PTPN5: variants seen among roughly 807,000 people sequenced by gnomAD.
PTPN5 encodes tyrosine-protein phosphatase non-receptor type 5.
Under a neutral mutation model 73.9 loss-of-function variants are expected in PTPN5, and 29 were observed. The observed-to-expected ratio is 0.39, with a 90% confidence interval of 0.29 to 0.54. The LOEUF (loss-of-function observed/expected upper bound fraction) is 0.54. Ranked by LOEUF, PTPN5 falls within the 20% of genes least tolerant of loss-of-function variation. The pLI is 0.65. For missense variants in PTPN5, 652 were observed against 751.4 expected, an observed-to-expected ratio of 0.87 and a Z score of 1.55; for synonymous variants, 267 against 304.7, an observed-to-expected ratio of 0.88 and a Z score of 1.29.
At chr11:18,746,010 C>T (rs927534051) in intron 3 of PTPN5, among the ~76,000 whole-genome samples, 4 of 151,504 alleles carry the variant, frequency 2.6e-5, no homozygotes, top group Non-Finnish European at 4.4e-5. Context: ...CTCATGTCTA[C>T]AGCATGTAGC....
At chr11:18,777,899 C>T (rs1254188538) in intron 1 of PTPN5, among the ~76,000 whole-genome samples, 5 of 151,696 alleles carry the variant, frequency 3.3e-5, no homozygotes, top group African/African-American at 4.8e-5. Flanking sequence ...GAGCTATGAT[C>T]GCACCACTGC....
Position 18,758,420 on chromosome 11 carries a change from A to G in PTPN5, c.97+7387T>C, listed in dbSNP as rs556829291. Among the ~76,000 whole-genome samples, 5 of 152,294 alleles carry G rather than the reference A, an allele frequency of 3.3e-5. No homozygotes were observed. The East Asian group carries it at 9.7e-4, about 29-fold the overall frequency. ...CAAGGTAGGAGCACTGAGGTGCCAG[A>G]CATATAATAAAAGCTTTCTCCGACA... On this transcript the variant is annotated intron_variant, in intron 3 of 14. Coordinates refer to ENST00000358540, the MANE Select transcript of PTPN5 (RefSeq NM_006906.2).
chr11:18,766,655 T>C lies in PTPN5; in HGVS notation c.21-772A>G, dbSNP rs76993514. ...ACCTGGCAAGCTGGAAAAATGTTGC[T>C]GGAGATCAGCTAGACCCCATGAAGC... On this transcript the variant is annotated intron_variant, in intron 2 of 14. Coordinates refer to ENST00000358540, the MANE Select transcript of PTPN5 (RefSeq NM_006906.2). 4.9e-3 allele frequency among the ~76,000 whole-genome samples: 752 copies of C among 152,296 alleles called. 10 individuals are homozygous for C. The highest frequency in any genetic ancestry group is 0.017 in the African/African-American group (709 of 41,568).
chr11:18,767,942 A>G (rs1850710984), intron 2 of PTPN5, among the ~76,000 whole-genome samples: 1 of 152,140 alleles, frequency 6.6e-6, no homozygotes, highest in Non-Finnish European at 1.5e-5. Flanking sequence ...TTTCTCTCAC[A>G]TGGTATGCAC....
At chr11:18,736,722 G>A (rs1191190700) in intron 9 of PTPN5, among the ~76,000 whole-genome samples, 1 of 152,190 alleles carries the variant, frequency 6.6e-6, no homozygotes, top group Non-Finnish European at 1.5e-5. Flanking sequence ...CATGGTTGGA[G>A]GCAGCTCAAG....
At chr11:18,761,137 CT>C (rs1206903637) in intron 3 of PTPN5, among the ~76,000 whole-genome samples, 1 of 152,178 alleles carries the variant, frequency 6.6e-6, no homozygotes, top group Non-Finnish European at 1.5e-5. Context: ...CTGCGAGGGT[CT>C]TTATTGGCAG....
intron 2 of PTPN5, 58 bp from the exon 3 acceptor site, chr11:18,765,941 C>G: frequency 3.1e-6 from 4 of 1,297,700 alleles, no homozygotes; most frequent in Non-Finnish European, 4.4e-6. Context: ...AGACAAAAAC[C>G]CTGAGCAAAG....
rs58611404 is a variant in PTPN5 at position 18,781,323 on chromosome 11, C to CTTTTTTTTTTTTTT, written c.-113-9266_-113-9253dup. 1.5e-3 allele frequency among the ~76,000 whole-genome samples: 173 copies of CTTTTTTTTTTTTTT among 114,408 alleles called. 13 individuals carry two copies. Among genetic ancestry groups the CTTTTTTTTTTTTTT allele is most frequent in the African/African-American group, 2.2e-3 (69 of 30,922 alleles). The allele number at this position is 114,408 out of a possible 152,430, so 75.1% of individuals were successfully genotyped here. On this transcript the variant is annotated intron_variant, in intron 1 of 14. Transcript: ENST00000358540. ...AGATCAGACTGTCTTTTTTTGACCACTTTTTTTTTTTTTTGAGATGGAGTC... is the reference window on the plus strand; with the variant it reads ...AGATCAGACTGTCTTTTTTTGACCACTTTTTTTTTTTTTTTTTTTTTTTTTTTTGAGATGGAGTC...
intron 5 of PTPN5, 41 bp from the exon 6 acceptor site, chr11:18,743,116 G>T: frequency 7.1e-7 from 1 of 1,411,824 alleles, no homozygotes. Context: ...GGTGGTGGGG[G>T]CAGAGTTCTC....
intron 7 of PTPN5, among the ~76,000 whole-genome samples, chr11:18,741,639 G>A (rs1378289411): frequency 6.6e-6 from 1 of 152,102 alleles, no homozygotes; most frequent in Non-Finnish European, 1.5e-5. Flanking sequence ...AACACTATGA[G>A]CTACCCTATA....
intron 9 of PTPN5, among the ~76,000 whole-genome samples, chr11:18,734,287 C>T (rs914373998): frequency 4.6e-5 from 7 of 152,152 alleles, no homozygotes; most frequent in African/African-American, 1.4e-4. Context: ...CTCATGTCCA[C>T]ATATGCAAAA....
intron 2 of PTPN5, among the ~76,000 whole-genome samples, chr11:18,771,692 C>T (rs1384423210): frequency 2.0e-5 from 3 of 152,268 alleles, no homozygotes; most frequent in East Asian, 1.9e-4. Flanking sequence ...AAGGCAGACT[C>T]CAGCTAGGAG....
chr11:18,757,072 C>T (rs1256521247), intron 3 of PTPN5, among the ~76,000 whole-genome samples: 1 of 152,096 alleles, frequency 6.6e-6, no homozygotes, highest in African/African-American at 2.4e-5. Context: ...CATGCAAGAT[C>T]CAAGCTCAAA....
rs763825267 is a variant in PTPN5 at position 18,740,780 on chromosome 11, A to G, written c.738T>C (p.Asn246=). 2.6e-6 allele frequency: 4 copies of G among 1,553,154 alleles called. No individual in the cohort carries two copies. Among genetic ancestry groups the G allele is most frequent in the Non-Finnish European group, 3.5e-6 (4 of 1,145,352 alleles). ...SMGLQERRGS[N]VSLTLDMCTP... Reference sequence around the variant, plus strand: ...TGCACATGTCCAGGGTCAGGGAGACATTGGAACCCCTCCTGGAAGGACCAG... The same window carrying G: ...TGCACATGTCCAGGGTCAGGGAGACGTTGGAACCCCTCCTGGAAGGACCAG... The change falls in exon 8 of 15, where the codon AAT becomes AAC. Residue 246 remains asparagine, a synonymous_variant. Coordinates refer to ENST00000358540, the MANE Select transcript of PTPN5 (RefSeq NM_006906.2).
rs78096026 is a variant in PTPN5 at position 18,774,194 on chromosome 11, G to A, written c.-113-2123C>T. Reference sequence around the variant, plus strand: ...GACAACACCTTCCACACAGGATGGCGGTGAAGATCACCAGTGAATGAGAAA... The same window carrying A: ...GACAACACCTTCCACACAGGATGGCAGTGAAGATCACCAGTGAATGAGAAA... On this transcript the variant is annotated intron_variant, in intron 1 of 14. Coordinates refer to ENST00000358540, the MANE Select transcript of PTPN5 (RefSeq NM_006906.2). 8.0e-3 allele frequency among the ~76,000 whole-genome samples: 1,220 copies of A among 152,290 alleles called. 23 individuals carry two copies. The highest frequency in any genetic ancestry group is 0.028 in the African/African-American group (1,162 of 41,548).
rs1029348495 is a variant in PTPN5, at chr11:18,728,245, C to G, written c.*689G>C. 6.6e-6 allele frequency: 1 copy of G among 152,324 alleles called. No individual in the cohort carries two copies. Among genetic ancestry groups the G allele is most frequent in the African/African-American group, 2.4e-5 (1 of 41,450 alleles). The allele number at this position is 152,324 out of a possible 1,614,324, so 9.4% of individuals were successfully genotyped here. A position where few individuals can be genotyped will look rare whatever the true frequency, so the allele number is the denominator to read the frequency against. On this transcript the variant is annotated 3_prime_UTR_variant, in exon 15 of 15. Coordinates refer to ENST00000358540, the MANE Select transcript of PTPN5 (RefSeq NM_006906.2). This position sits in a 1 kb window ranked among gnomAD's most constrained non-coding sequence, Gnocchi z 4.1. ...CACCCAAACCTTGAGCTCCCCTCCC[C>G]TCCCCAACAGGGCCTAGATCCTCTG...
At chr11:18,731,244 A>G (rs1018668379) in intron 12 of PTPN5, among the ~76,000 whole-genome samples, 3 of 149,444 alleles carry the variant, frequency 2.0e-5, no homozygotes, top group African/African-American at 7.3e-5. Flanking sequence ...TATCATATAT[A>G]CATACATATA....
Position 18,733,471 on chromosome 11 carries a change from C to A in PTPN5, c.1080+85G>T, listed in dbSNP as rs1848983631. The A allele has an allele frequency of 3.7e-6, 6 of 1,611,342 alleles. No individual in the cohort carries two copies. Among genetic ancestry groups the A allele is most frequent in the East Asian group, 4.5e-5 (2 of 44,860 alleles). On this transcript the variant is annotated intron_variant, in intron 10 of 14. Transcript: ENST00000358540. This position sits in a 1 kb window ranked among gnomAD's most constrained non-coding sequence, Gnocchi z 4.3. ...TTCACAGGAGCTGGCAGGAGCCAGA[C>A]TGGTGTAGGGACAAGGCTGGAGGAT... is the stretch of plus-strand genomic sequence containing the variant.
At chr11:18,766,447 A>C (rs991701390) in intron 2 of PTPN5, among the ~76,000 whole-genome samples, 14 of 152,178 alleles carry the variant, frequency 9.2e-5, no homozygotes, top group Non-Finnish European at 1.8e-4. Context: ...CAAGATATGC[A>C]AGTCCCCTCT....
Sources: allele counts gnomAD v4.1 joint callset (sites outside exome capture counted in the v4.1 genomes callset), GRCh38; gene constraint gnomAD v4.1.1; non-coding constraint Gnocchi (gnomAD v3.1); transcripts MANE v1.5; gene names NCBI Gene and HGNC (gene_info 2026-07-23, HGNC 2026-07-21).